Variants in CCDC171 observed in about 807,000 individuals in gnomAD.
CCDC171 encodes coiled-coil domain-containing protein 171.
CCDC171 carries 177 observed loss-of-function variants against 168.2 expected under a neutral mutation model. The ratio of observed to expected loss-of-function variants is 1.05; its 90% CI spans 0.93 to 1.19. The LOEUF (loss-of-function observed/expected upper bound fraction) is 1.19, where lower values mean the gene tolerates loss of function less well. CCDC171 is among the 50% of genes most tolerant of loss of function. CCDC171 has a pLI of 0.00. For missense variants in CCDC171, 1,991 were observed against 1,539.0 expected, an observed-to-expected ratio of 1.29 and a Z score of -4.91; for synonymous variants, 687 against 540.8, an observed-to-expected ratio of 1.27 and a Z score of -3.75.
rs529564273 is a variant in CCDC171 at position 15,631,729 on chromosome 9, T to G, written c.822+8316T>G. On this transcript the variant is annotated intron_variant, in intron 7 of 25. Coordinates refer to ENST00000380701, the MANE Select transcript of CCDC171 (RefSeq NM_173550.4). ...AGAGACACAACCAAAAAAGAGAATT[T>G]TAGACCACTATCCTTGATGAAGATT... Among the ~76,000 whole-genome samples, 23 of 152,252 alleles carry G rather than the reference T, an allele frequency of 1.5e-4. No individual in the cohort carries two copies. The South Asian group carries it at 4.6e-3, about 30-fold the overall frequency.
chr9:16,046,867 G>A (rs773038600), intron 1 of CCDC171, among the ~76,000 whole-genome samples: 5 of 152,082 alleles, frequency 3.3e-5, no homozygotes, highest in East Asian at 1.9e-4. Flanking sequence ...TATCAGCAGC[G>A]TGAGAACAGA....
intron 18 of CCDC171, among the ~76,000 whole-genome samples, chr9:15,773,927 A>C (rs918435958): frequency 6.6e-6 from 1 of 152,138 alleles, no homozygotes; most frequent in Non-Finnish European, 1.5e-5. Context: ...TCTACAAAGA[A>C]CTCAAACAAA....
At chr9:15,827,481 G>A (rs1157486093) in intron 21 of CCDC171, among the ~76,000 whole-genome samples, 1 of 152,134 alleles carries the variant, frequency 6.6e-6, no homozygotes, top group African/African-American at 2.4e-5. Flanking sequence ...TTCTAAAATG[G>A]AAGTTTGCCA....
intron 24 of CCDC171, among the ~76,000 whole-genome samples, chr9:15,909,431 T>A (rs1419786986): frequency 1.3e-5 from 2 of 152,038 alleles, no homozygotes; most frequent in Non-Finnish European, 2.9e-5. Flanking sequence ...CACGTGCACA[T>A]AATTCCACTG....
chr9:15,903,424 T>C (rs1822012706), intron 24 of CCDC171, among the ~76,000 whole-genome samples: 1 of 152,142 alleles, frequency 6.6e-6, no homozygotes, highest in African/African-American at 2.4e-5. Flanking sequence ...GCAAACAGGA[T>C]CTGGAGTAGA....
exon 2 of CCDC171, chr9:16,061,183 C>T (rs996574606): frequency 6.6e-6 from 1 of 152,216 alleles, no homozygotes; most frequent in Non-Finnish European, 1.5e-5. Flanking sequence ...GCCTCAGTGG[C>T]TTTCTATAAA....
chr9:15,678,970 C>T (rs2049842605), intron 10 of CCDC171, 74 bp downstream of exon 10: 2 of 1,103,212 alleles, frequency 1.8e-6, no homozygotes, highest in Admixed American at 2.7e-5. Flanking sequence ...GGTTTTTCCT[C>T]ACCACATTCC....
the CCDC171 span, among the ~76,000 whole-genome samples, chr9:16,078,688 C>T: frequency 6.6e-6 from 1 of 152,154 alleles, no homozygotes; most frequent in Non-Finnish European, 1.5e-5. Flanking sequence ...ATAGCACCAC[C>T]ATTAATTAAT....
At chr9:15,829,594 G>C (rs2060147255) in intron 21 of CCDC171, among the ~76,000 whole-genome samples, 1 of 152,128 alleles carries the variant, frequency 6.6e-6, no homozygotes, top group Non-Finnish European at 1.5e-5. Context: ...TGCAAAACTT[G>C]CTATGCAAGA....
intron 1 of CCDC171, chr9:15,553,682 C>T (rs1279203793): frequency 6.6e-6 from 1 of 152,198 alleles, no homozygotes; most frequent in East Asian, 1.9e-4. Flanking sequence ...ACACTAGACA[C>T]TCTACAGATG....
chr9:15,894,236 T>C (rs1038247686), intron 24 of CCDC171, among the ~76,000 whole-genome samples: 2 of 151,946 alleles, frequency 1.3e-5, no homozygotes, highest in African/African-American at 4.8e-5. Context: ...TGAGAACACA[T>C]TTACACATGA....
At chr9:15,632,792 C>G (rs1277612966) in intron 7 of CCDC171, among the ~76,000 whole-genome samples, 1 of 152,140 alleles carries the variant, frequency 6.6e-6, no homozygotes, top group African/African-American at 2.4e-5. Flanking sequence ...CTACAGTAAC[C>G]AAAACAGTAT....
intron 1 of CCDC171, among the ~76,000 whole-genome samples, chr9:16,059,258 A>G (rs1222790432): frequency 2.0e-5 from 3 of 152,186 alleles, no homozygotes; most frequent in Non-Finnish European, 4.4e-5. Context: ...TTTCTGTTTT[A>G]CACTTAAAGG....
chr9:15,623,869 G>C (rs759684586), intron 7 of CCDC171, among the ~76,000 whole-genome samples: 1 of 152,166 alleles, frequency 6.6e-6, no homozygotes, highest in Non-Finnish European at 1.5e-5. Flanking sequence ...TGGGAAAGGA[G>C]CATCAATTTA....
intron 24 of CCDC171, among the ~76,000 whole-genome samples, chr9:15,882,093 T>TATAAAG (rs1818727073): frequency 6.6e-6 from 1 of 152,214 alleles, no homozygotes; most frequent in Non-Finnish European, 1.5e-5. Context: ...TCCATATTTT[T>TATAAAG]ACTGGCATCC....
chr9:15,917,011 G>T (rs907036887), intron 24 of CCDC171, among the ~76,000 whole-genome samples: 1 of 151,924 alleles, frequency 6.6e-6, no homozygotes, highest in Non-Finnish European at 1.5e-5. Flanking sequence ...GTTTCCTAAT[G>T]TAAAATAATG....
At chr9:15,631,365 A>G (rs1038072877) in intron 7 of CCDC171, among the ~76,000 whole-genome samples, 1 of 152,200 alleles carries the variant, frequency 6.6e-6, no homozygotes, top group East Asian at 1.9e-4. Context: ...ACAGAAATAC[A>G]AACTACCATC....
intron 3 of CCDC171, among the ~76,000 whole-genome samples, chr9:15,575,043 G>C (rs535755179): frequency 9.2e-5 from 14 of 151,860 alleles, no homozygotes; most frequent in African/African-American, 3.4e-4. Context: ...GTGGAAAATA[G>C]GACAAGAAGA....
intron 14 of CCDC171, 59 bp from the exon 15 acceptor site, chr9:15,727,810 A>G (rs2053904674): frequency 7.3e-7 from 1 of 1,363,662 alleles, no homozygotes; most frequent in Non-Finnish European, 1.0e-6. Context: ...AGTATTATGT[A>G]TTTTACTTCT....
Sources: allele counts gnomAD v4.1 joint callset (sites outside exome capture counted in the v4.1 genomes callset), GRCh38; gene constraint gnomAD v4.1.1; transcripts MANE v1.5; gene names NCBI Gene and HGNC (gene_info 2026-07-23, HGNC 2026-07-21).